The following AUTS2 variants were observed in gnomAD, a reference collection of about 807,000 sequenced individuals.
The protein encoded by AUTS2 is autism susceptibility gene 2 protein.
In AUTS2, 17 loss-of-function variants were observed where a neutral mutation model predicts 112.4. That is an observed-to-expected ratio of 0.15 (90% CI 0.10 to 0.23). AUTS2 has a LOEUF of 0.23. Among genes scored for constraint, AUTS2 ranks in the 10% least tolerant of loss-of-function variants. The pLI is 1.00. For synonymous variants in AUTS2, 751 were observed against 702.7 expected, an observed-to-expected ratio of 1.07 and a Z score of -1.09; for missense variants, 1,510 against 1,701.6, an observed-to-expected ratio of 0.89 and a Z score of 1.98.
At chr7:69,721,910 G>A (rs377692102) in intron 1 of AUTS2, among the ~76,000 whole-genome samples, 1 of 152,166 alleles carries the variant, frequency 6.6e-6, no homozygotes, top group African/African-American at 2.4e-5. Context: ...CATGACAAAG[G>A]GGCCTGAGAG....
chr7:70,016,080 G>T (rs1281956208), intron 2 of AUTS2, among the ~76,000 whole-genome samples: 1 of 152,014 alleles, frequency 6.6e-6, no homozygotes. Context: ...AGCAAATCTC[G>T]GGATATCAAG....
At chr7:69,834,569 A>G (rs1791640893) in intron 1 of AUTS2, among the ~76,000 whole-genome samples, 1 of 152,188 alleles carries the variant, frequency 6.6e-6, no homozygotes, top group East Asian at 1.9e-4. Flanking sequence ...AATCTGATAA[A>G]CTACCTGCTC....
intron 2 of AUTS2, among the ~76,000 whole-genome samples, chr7:69,905,216 T>C (rs1795106740): frequency 6.6e-6 from 1 of 152,216 alleles, no homozygotes; most frequent in South Asian, 2.1e-4. Flanking sequence ...TGGAATGTTA[T>C]GACCAGTAAT....
intron 2 of AUTS2, among the ~76,000 whole-genome samples, chr7:70,002,801 A>G (rs1224759635): frequency 6.6e-6 from 1 of 152,096 alleles, no homozygotes; most frequent in Non-Finnish European, 1.5e-5. Flanking sequence ...AGATTTGCCC[A>G]GAGTCACAGA....
chr7:69,879,777 C>T (rs1793962813), intron 1 of AUTS2, among the ~76,000 whole-genome samples: 1 of 152,054 alleles, frequency 6.6e-6, no homozygotes, highest in Non-Finnish European at 1.5e-5. Context: ...GAATCACGGC[C>T]CTCAGTCCTT....
intron 2 of AUTS2, among the ~76,000 whole-genome samples, chr7:70,000,843 G>A (rs140148025): frequency 4.8e-4 from 73 of 152,198 alleles, no homozygotes; most frequent in African/African-American, 1.7e-3. Context: ...ACAAGGGGTT[G>A]TTCTTTTGCC....
At chr7:70,082,797 G>A (rs1184207037) in intron 2 of AUTS2, among the ~76,000 whole-genome samples, 1 of 152,108 alleles carries the variant, frequency 6.6e-6, no homozygotes, top group African/African-American at 2.4e-5. Context: ...GCCGTTAACT[G>A]TTTTGTACTG....
intron 5 of AUTS2, among the ~76,000 whole-genome samples, chr7:70,644,295 G>T (rs988386777): frequency 1.3e-5 from 2 of 152,188 alleles, no homozygotes; most frequent in Admixed American, 6.5e-5. Context: ...CGGAGGAGTG[G>T]TGATGGAGAG....
chr7:70,154,602 C>T (rs770010394), intron 4 of AUTS2, among the ~76,000 whole-genome samples: 33 of 152,212 alleles, frequency 2.2e-4, no homozygotes, highest in Non-Finnish European at 3.7e-4. Context: ...TTTATTTTCT[C>T]GTCAGGGATT....
chr7:70,528,221 C>A (rs1339619363), intron 5 of AUTS2, among the ~76,000 whole-genome samples: 3 of 147,368 alleles, frequency 2.0e-5, no homozygotes, highest in African/African-American at 7.5e-5. Context: ...AGTGATTGAC[C>A]ATGGGTCAAG....
chr7:70,039,300 A>C (rs893350740), intron 2 of AUTS2, among the ~76,000 whole-genome samples: 1 of 152,108 alleles, frequency 6.6e-6, no homozygotes, highest in Non-Finnish European at 1.5e-5. Flanking sequence ...TTTACAATTC[A>C]CTACCGGTTC....
chr7:70,758,871 G>A (rs907702498), intron 6 of AUTS2, among the ~76,000 whole-genome samples: 7 of 149,998 alleles, frequency 4.7e-5, no homozygotes, highest in Non-Finnish European at 7.4e-5. Flanking sequence ...TTGAAAGGAA[G>A]AGGAAATGCA....
intron 4 of AUTS2, among the ~76,000 whole-genome samples, chr7:70,335,233 A>G (rs768045063): frequency 6.6e-6 from 1 of 152,158 alleles, no homozygotes; most frequent in Non-Finnish European, 1.5e-5. Context: ...TTTTCCTGGA[A>G]TCTCAACAGA....
chr7:69,636,752 T>G (rs2129111708), intron 1 of AUTS2, among the ~76,000 whole-genome samples: 1 of 151,790 alleles, frequency 6.6e-6, no homozygotes, highest in South Asian at 2.1e-4. Context: ...CCTTGTCATT[T>G]TATAAAATGT....
chr7:70,090,467 G>A (rs763400081), intron 2 of AUTS2, among the ~76,000 whole-genome samples: 9 of 151,374 alleles, frequency 5.9e-5, no homozygotes, highest in Non-Finnish European at 7.4e-5. Context: ...GGGTTCAAGC[G>A]ATACTTCTGC....
At chr7:70,313,924 C>T (rs1347127913) in intron 4 of AUTS2, among the ~76,000 whole-genome samples, 1 of 152,194 alleles carries the variant, frequency 6.6e-6, no homozygotes, top group Non-Finnish European at 1.5e-5. Flanking sequence ...AGAACTCCCA[C>T]AGAATTAATT....
chr7:70,725,419 G>A (rs983494597), intron 6 of AUTS2, among the ~76,000 whole-genome samples: 2 of 152,182 alleles, frequency 1.3e-5, no homozygotes, highest in African/African-American at 2.4e-5. Flanking sequence ...TTTAATAAGG[G>A]CAACTGTTGA....
chr7:70,745,662 C>G (rs1358006235), intron 6 of AUTS2, among the ~76,000 whole-genome samples: 1 of 152,204 alleles, frequency 6.6e-6, no homozygotes, highest in African/African-American at 2.4e-5. Flanking sequence ...ATTATTAACA[C>G]TGCTCGCCTT....
intron 16 of AUTS2, chr7:70,785,511 C>T (rs185142496): frequency 4.2e-4 from 198 of 467,294 alleles, no homozygotes; most frequent in Middle Eastern, 3.2e-4. Flanking sequence ...TCGATCCCAT[C>T]TGCAAGTGTA....
Sources: allele counts gnomAD v4.1 joint callset (sites outside exome capture counted in the v4.1 genomes callset), GRCh38; gene constraint gnomAD v4.1.1; transcripts MANE v1.5; gene names NCBI Gene and HGNC (gene_info 2026-07-23, HGNC 2026-07-21).